The following COL4A6 variants were observed in gnomAD, a reference collection of about 807,000 sequenced individuals.
COL4A6 encodes collagen alpha-6(IV) chain.
In COL4A6, 59 loss-of-function variants were observed where a neutral mutation model predicts 126.7. The ratio of observed to expected loss-of-function variants is 0.47; its 90% CI spans 0.38 to 0.58. COL4A6 has a LOEUF of 0.58. Among genes scored for constraint, COL4A6 ranks in the 20% least tolerant of loss-of-function variants. The pLI is 0.00. For synonymous variants in COL4A6, 547 were observed against 496.6 expected (o/e 1.10, Z -1.35); for missense variants, 1,285 against 1,337.3 (o/e 0.96, Z 0.61).
At chrX:108,350,125 G>A (rs966006151) in intron 2 of COL4A6, among the ~76,000 whole-genome samples, 5 of 111,521 alleles carry the variant, frequency 4.5e-5, no homozygotes, top group East Asian at 2.8e-4. Context: ...TCTGTTGATC[G>A]GAGGGCAGAA....
At chrX:108,198,414 T>C (rs1404253201) in intron 13 of COL4A6, among the ~76,000 whole-genome samples, 3 of 109,995 alleles carry the variant, frequency 2.7e-5, no homozygotes, top group East Asian at 2.8e-4. Flanking sequence ...GCTTATGCTA[T>C]AGTGTGAACA....
chrX:108,199,102 A>G (rs974358955), intron 13 of COL4A6, among the ~76,000 whole-genome samples: 2 of 111,464 alleles, frequency 1.8e-5, no homozygotes, highest in African/African-American at 6.5e-5. Flanking sequence ...GGGCCAAGAG[A>G]AAGAAGGTAA....
intron 2 of COL4A6, among the ~76,000 whole-genome samples, chrX:108,381,472 G>T (rs2040557488): frequency 8.9e-6 from 1 of 112,031 alleles, no homozygotes; most frequent in African/African-American, 3.2e-5. Flanking sequence ...TTTAAAAAAA[G>T]AAGCATTGTA....
chrX:108,421,917 T>C (rs946089800), intron 2 of COL4A6, among the ~76,000 whole-genome samples: 8 of 112,446 alleles, frequency 7.1e-5, no homozygotes, highest in Non-Finnish European at 1.5e-4. Flanking sequence ...TTATGTCATA[T>C]TCATATAAAT....
chrX:108,155,756 A>T lies in COL4A6; in HGVS notation c.*1244T>A, dbSNP rs2033715126. The T allele has an allele frequency of 9.0e-6, 1 of 111,632 alleles. No individual in the cohort carries two copies. Among genetic ancestry groups the T allele is most frequent in the African/African-American group, 3.3e-5 (1 of 30,683 alleles). The allele number at this position is 111,632 out of a possible 1,213,427, so 9.2% of individuals were successfully genotyped here. ...GTTTATATAATACTTAAGGAAACAG[A>T]ATCACCTGGAAGGAACTGCCTCATG... On this transcript the variant is annotated 3_prime_UTR_variant, in exon 45 of 45. Coordinates refer to ENST00000334504, the MANE Select transcript of COL4A6 (RefSeq NM_033641.4).
chrX:108,338,907 C>T (rs936283415), intron 2 of COL4A6, among the ~76,000 whole-genome samples: 1 of 111,323 alleles, frequency 9.0e-6, no homozygotes, highest in African/African-American at 3.3e-5. Context: ...AGATTTTTAC[C>T]GTCAAGCTGA....
At chrX:108,336,800 A>G (rs1434833522) in intron 2 of COL4A6, among the ~76,000 whole-genome samples, 1 of 111,408 alleles carries the variant, frequency 9.0e-6, no homozygotes, top group African/African-American at 3.3e-5. Flanking sequence ...TGTTGCAATG[A>G]AACACATAAG....
At chrX:108,298,782 G>A (rs1371037198) in intron 3 of COL4A6, among the ~76,000 whole-genome samples, 1 of 109,692 alleles carries the variant, frequency 9.1e-6, no homozygotes, top group Non-Finnish European at 1.9e-5. Context: ...GTGCCTCCAA[G>A]GGACCTTGGA....
intron 33 of COL4A6, 94 bp from the exon 34 acceptor site, chrX:108,171,011 C>A: frequency 1.3e-6 from 1 of 787,029 alleles, no homozygotes; most frequent in South Asian, 2.5e-5. Flanking sequence ...GCTGAAGGAG[C>A]TAGACCCAAT....
rs1311005229 is a variant in COL4A6 at position 108,209,998 on chromosome X, G to A, written c.517C>T (p.Pro173Ser). ...PGSFKGMKGD[P>S]GLPGLDGITG... ...ATTCCATCCAGTCCAGGCAGCCCAG[G>A]ATCCCCCTGAGAAACAAAGGCAGGA... Residue 173 changes from proline to serine, a missense_variant, in exon 8 of 45, where the codon CCT (proline) becomes TCT (serine). By Grantham distance (74) the Pro-to-Ser change is moderately conservative. Coordinates refer to ENST00000334504, the MANE Select transcript of COL4A6 (RefSeq NM_033641.4). 2 of 1,209,003 alleles carry A rather than the reference G, an allele frequency of 1.7e-6. No homozygotes were observed. Among genetic ancestry groups the A allele is most frequent in the South Asian group, 1.8e-5 (1 of 56,456 alleles).
intron 3 of COL4A6, among the ~76,000 whole-genome samples, chrX:108,272,304 A>G (rs765524985): frequency 6.8e-4 from 76 of 112,002 alleles, no homozygotes; most frequent in African/African-American, 2.3e-3. Flanking sequence ...TTTTAAAGGA[A>G]TATGAATGAC....
At chrX:108,271,461 A>G (rs1171250005) in intron 3 of COL4A6, among the ~76,000 whole-genome samples, 2 of 112,467 alleles carry the variant, frequency 1.8e-5, no homozygotes, top group East Asian at 2.8e-4. Context: ...CAAGAAAAGT[A>G]TAAGTAAATA....
intron 3 of COL4A6, among the ~76,000 whole-genome samples, chrX:108,272,915 T>A (rs1408019405): frequency 9.1e-6 from 1 of 110,028 alleles, no homozygotes; most frequent in South Asian, 3.8e-4. Flanking sequence ...TTATATATAT[T>A]TTTTACTTTC....
At chrX:108,172,365 G>GCAAAAAAAAAA (rs2034335013) in intron 32 of COL4A6, 104 bp downstream of exon 32, 1 of 88,377 alleles carries the variant, frequency 1.1e-5, no homozygotes, top group Non-Finnish European at 1.8e-5. Context: ...GCCTAAAAAA[G>GCAAAAAAAAAA]AAAAAAAAAA....
At chrX:108,416,083 T>C (rs1219841422) in intron 2 of COL4A6, among the ~76,000 whole-genome samples, 2 of 111,910 alleles carry the variant, frequency 1.8e-5, no homozygotes, top group Non-Finnish European at 3.8e-5. Flanking sequence ...TTCTTTCCCA[T>C]TCATCCTCGC....
intron 2 of COL4A6, among the ~76,000 whole-genome samples, chrX:108,342,442 C>T (rs1175824910): frequency 1.8e-5 from 2 of 111,582 alleles, no homozygotes; most frequent in Non-Finnish European, 3.8e-5. Flanking sequence ...AAATTAAATT[C>T]CCAAGTGGGC....
intron 12 of COL4A6, among the ~76,000 whole-genome samples, chrX:108,204,079 A>G (rs1236025221): frequency 1.8e-5 from 2 of 111,532 alleles, no homozygotes; most frequent in Admixed American, 9.5e-5. Context: ...TAGCGCTTAA[A>G]TGAATATTCA....
chrX:108,416,779 G>A (rs767280901), intron 2 of COL4A6, among the ~76,000 whole-genome samples: 18 of 111,926 alleles, frequency 1.6e-4, no homozygotes, highest in Non-Finnish European at 3.2e-4. Flanking sequence ...CATTTTTTAA[G>A]TGCCTATGGT....
intron 4 of COL4A6, among the ~76,000 whole-genome samples, chrX:108,219,943 G>A (rs750527835): frequency 9.0e-6 from 1 of 110,652 alleles, no homozygotes; most frequent in Non-Finnish European, 1.9e-5. Context: ...TCTTTGTTCC[G>A]AAACCAGCTC....
Sources: gnomAD v4.1 joint callset for allele counts (sites outside exome capture counted in the v4.1 genomes callset) on GRCh38, gnomAD v4.1.1 for gene constraint, MANE v1.5 for transcripts, NCBI Gene and HGNC (gene_info 2026-07-23, HGNC 2026-07-21) for gene names.